PM20D1: variants seen among roughly 807,000 people sequenced by gnomAD.
PM20D1 encodes the protein N-fatty-acyl-amino acid synthase/hydrolase PM20D1.
In PM20D1, 53 loss-of-function variants were observed where a neutral mutation model predicts 53.8. The ratio of observed to expected loss-of-function variants is 0.98; its 90% CI spans 0.79 to 1.24. PM20D1 has a LOEUF of 1.24. PM20D1 is among the 50% of genes most tolerant of loss of function. PM20D1 has a pLI of 0.00. For missense variants in PM20D1, 564 were observed against 616.8 expected (o/e 0.91, Z 0.91); for synonymous variants, 239 against 241.3 (o/e 0.99, Z 0.09).
chr1:205,843,611 A>G, intron 6 of PM20D1, 56 bp downstream of exon 6: 2 of 1,563,124 alleles, frequency 1.3e-6, no homozygotes, highest in East Asian at 2.3e-5. Context: ...AAAGTGGGAA[A>G]GTGCCAGGGC....
chr1:205,830,794 G>T (rs572706308), intron 11 of PM20D1, among the ~76,000 whole-genome samples: 4 of 141,552 alleles, frequency 2.8e-5, no homozygotes, highest in African/African-American at 1.1e-4. Flanking sequence ...AGGGTGGCCA[G>T]TATCTTCATT....
Position 205,840,295 on chromosome 1 carries a change from G to T in PM20D1, c.1073C>A (p.Ala358Asp), listed in dbSNP as rs761389593. The T allele has an allele frequency of 6.2e-7, 1 of 1,614,078 alleles. No individual in the cohort carries two copies. Among genetic ancestry groups the T allele is most frequent in the Admixed American group, 1.7e-5 (1 of 60,030 alleles). ...AGGGTGAATCCGGAAGTTGACTGTG[G>T]CCTGGGCCACTGGGGGGATGACATT... is the stretch of plus-strand genomic sequence containing the variant. ...KFNVIPPVAQ[A>D]TVNFRIHPGQ... Residue 358 changes from alanine to aspartate, a missense_variant, in exon 10 of 13, where the codon GCC becomes GAC. By Grantham distance (126) the Ala-to-Asp change is moderately radical. Coordinates refer to ENST00000367136, the MANE Select transcript of PM20D1 (RefSeq NM_152491.5).
Position 205,842,141 on chromosome 1 carries a change from G to A in PM20D1, c.965+13C>T, listed in dbSNP as rs369606807. The A allele has an allele frequency of 1.0e-5, 16 of 1,605,040 alleles. No individual in the cohort carries two copies. The highest frequency in any genetic ancestry group is 1.6e-4 in the Middle Eastern group (1 of 6,074). ...AGGTGAGGGATGTGAAAAAAGGAAA[G>A]ATAATACTTTACCTGCTTATAAGTG... is the stretch of plus-strand genomic sequence containing the variant. On this transcript the variant is annotated intron_variant, in intron 8 of 12. Coordinates refer to ENST00000367136, the MANE Select transcript of PM20D1 (RefSeq NM_152491.5).
intron 2 of PM20D1, among the ~76,000 whole-genome samples, chr1:205,846,556 TTAG>T (rs1467076134): frequency 6.6e-6 from 1 of 152,158 alleles, no homozygotes; most frequent in Non-Finnish European, 1.5e-5. Flanking sequence ...TTATATTAAA[TTAG>T]TAGGCCTCAT....
In PM20D1 at chr1:205,843,382, A is replaced by C. The variant is rs561517265; in HGVS notation, c.827+285T>G. Among the ~76,000 whole-genome samples, 347 of 151,816 alleles carry C rather than the reference A, an allele frequency of 2.3e-3. 3 individuals carry two copies. Among genetic ancestry groups the C allele is most frequent in the Non-Finnish European group, 3.5e-3 (236 of 67,924 alleles). On this transcript the variant is annotated intron_variant, in intron 6 of 12. Transcript: ENST00000367136. ...CTCTGTCTCTCCTGTGGCTCCCCCA[A>C]CCCCCACCTTGGAAGGAATTCTCAC...
chr1:205,835,777 A>G (rs1656673617), intron 10 of PM20D1, among the ~76,000 whole-genome samples: 1 of 152,150 alleles, frequency 6.6e-6, no homozygotes, highest in South Asian at 2.1e-4. Context: ...TTGGGCAAGA[A>G]TCGGAGGTAC....
At chr1:205,831,073 C>G (rs1212621512) in intron 11 of PM20D1, among the ~76,000 whole-genome samples, 2 of 152,114 alleles carry the variant, frequency 1.3e-5, no homozygotes, top group Non-Finnish European at 2.9e-5. Flanking sequence ...AGAGTCAAAC[C>G]TTAGGTCTGG....
At chr1:205,840,093 A>T (rs6668798) in intron 10 of PM20D1, among the ~76,000 whole-genome samples, 159 bp downstream of exon 10, 1 of 152,054 alleles carries the variant, frequency 6.6e-6, no homozygotes, top group Admixed American at 6.5e-5. Context: ...CAGGATCTCC[A>T]ATCCTAATGA....
At chr1:205,836,920 C>T (rs545746230) in intron 10 of PM20D1, among the ~76,000 whole-genome samples, 1 of 152,334 alleles carries the variant, frequency 6.6e-6, no homozygotes, top group Admixed American at 6.5e-5. Context: ...TGTACTGCTT[C>T]CCACTTTGTG....
rs1180726864 is a variant in PM20D1 at position 205,842,097 on chromosome 1, TG to T, written c.965+56del. 5.2e-6 allele frequency: 8 copies of T among 1,527,266 alleles called. No individual in the cohort carries two copies. The South Asian group carries it at 6.7e-5, about 13-fold the overall frequency. The allele number at this position is 1,527,266 out of a possible 1,614,324, so 94.6% of individuals were successfully genotyped here. A position where few individuals can be genotyped will look rare whatever the true frequency, so the allele number is the denominator to read the frequency against. On this transcript the variant is annotated intron_variant, in intron 8 of 12. Transcript: ENST00000367136. Reference sequence around the variant, plus strand: ...CCCAGTTAAGCCAAGGAGAGGGGCCTGGGGGGTGGGTAGGTTTGAGGTGAGG... The same window carrying T: ...CCCAGTTAAGCCAAGGAGAGGGGCCTGGGGGTGGGTAGGTTTGAGGTGAGG...
intron 6 of PM20D1, 141 bp downstream of exon 6, chr1:205,843,526 T>C (rs1317656825): frequency 1.3e-5 from 16 of 1,221,728 alleles, no homozygotes; most frequent in South Asian, 4.4e-5. Flanking sequence ...CTTCTGTTCT[T>C]CCTCTAGTGT....
intron 10 of PM20D1, among the ~76,000 whole-genome samples, chr1:205,833,764 T>G (rs950321318): frequency 6.6e-6 from 1 of 152,106 alleles, no homozygotes; most frequent in African/African-American, 2.4e-5. Context: ...GTTCAGTAGT[T>G]GCTTTAAAAC....
chr1:205,843,888 G>A, intron 5 of PM20D1, 102 bp from the exon 6 acceptor site: 1 of 1,508,212 alleles, frequency 6.6e-7, no homozygotes, highest in Non-Finnish European at 8.9e-7. Context: ...GGGCAAGGAG[G>A]TAGCTTCATG....
Position 205,845,546 on chromosome 1 carries a change from C to T in PM20D1, c.268G>A (p.Val90Met), listed in dbSNP as rs1558094811. ...GKYIHKVFPT[V>M]VSTSFIQHEV... Reference sequence around the variant, plus strand: ...TGCTGGATAAAGCTGGTGCTGACCACTGTAGGAAAGACTAGAAGCAAAAAG... The same window carrying T: ...TGCTGGATAAAGCTGGTGCTGACCATTGTAGGAAAGACTAGAAGCAAAAAG... The change falls in exon 3 of 13, where the codon GTG becomes ATG. Residue 90 changes from valine (V) to methionine (M), a missense_variant. Val to Met is a conservative substitution (Grantham distance 21). Coordinates refer to ENST00000367136, the MANE Select transcript of PM20D1 (RefSeq NM_152491.5). The T allele has an allele frequency of 8.1e-6, 13 of 1,613,976 alleles. No homozygotes were observed. Among genetic ancestry groups the T allele is most frequent in the Non-Finnish European group, 8.5e-7 (1 of 1,179,876 alleles).
rs1401032434 is a variant in PM20D1, at chr1:205,830,422, A to G, written c.1286-43T>C. On this transcript the variant is annotated intron_variant, in intron 11 of 12. Coordinates refer to ENST00000367136, the MANE Select transcript of PM20D1 (RefSeq NM_152491.5). ...ACAGGAAAGGGGCTTTACATGAGCA[A>G]TCAAACCAGCGAAGTGGCTGGGGTG... 7 of 1,429,254 alleles carry G rather than the reference A, an allele frequency of 4.9e-6. No individual in the cohort carries two copies. The Middle Eastern group carries it at 5.3e-4, about 108-fold the overall frequency. 88.5% of individuals were successfully genotyped at this position (1,429,254 alleles called of 1,614,324 possible).
chr1:205,840,171 G>A (rs748192502), intron 10 of PM20D1, 81 bp downstream of exon 10: 222 of 1,299,310 alleles, frequency 1.7e-4, no homozygotes, highest in Middle Eastern at 8.4e-4. Flanking sequence ...ACCAGCCCTA[G>A]GACTGTAGTT....
intron 1 of PM20D1, among the ~76,000 whole-genome samples, chr1:205,849,698 TC>T (rs1657083487): frequency 6.6e-6 from 1 of 151,920 alleles, no homozygotes; most frequent in Non-Finnish European, 1.5e-5. Context: ...ACACCAGAGT[TC>T]CAGGAGCCAG....
chr1:205,831,147 C>T (rs183165047), intron 11 of PM20D1, among the ~76,000 whole-genome samples: 2 of 152,298 alleles, frequency 1.3e-5, no homozygotes, highest in African/African-American at 4.8e-5. Context: ...GGTCACCTAG[C>T]AGAGGCTGGG....
chr1:205,834,058 G>A (rs1170261865), intron 10 of PM20D1, among the ~76,000 whole-genome samples: 1 of 151,772 alleles, frequency 6.6e-6, no homozygotes, highest in African/African-American at 2.4e-5. Context: ...ATGTTGGTCA[G>A]GCTGGTCTCA....
Sources: gnomAD v4.1 joint callset for allele counts (sites outside exome capture counted in the v4.1 genomes callset) on GRCh38, gnomAD v4.1.1 for gene constraint, MANE v1.5 for transcripts, NCBI Gene and HGNC (gene_info 2026-07-23, HGNC 2026-07-21) for gene names.